PACRG: variants seen among roughly 807,000 people sequenced by gnomAD.
The protein encoded by PACRG is parkin coregulated, also known as parkin coregulated gene protein.
In PACRG, 29 loss-of-function variants were observed where a neutral mutation model predicts 29.7. That is an observed-to-expected ratio of 0.98 (90% CI 0.73 to 1.33). The LOEUF is 1.33. Among genes scored for constraint, PACRG ranks in the 40% most tolerant of loss-of-function variants. The pLI, the probability that PACRG is intolerant of heterozygous loss-of-function variation, is 0.00. For synonymous variants in PACRG, 116 were observed against 118.7 expected (o/e 0.98, Z 0.15); for missense variants, 279 against 316.2 (o/e 0.88, Z 0.89).
At chr6:162,745,437 G>A (rs1029617944) in intron 1 of PACRG, among the ~76,000 whole-genome samples, 3 of 152,074 alleles carry the variant, frequency 2.0e-5, no homozygotes, top group East Asian at 1.9e-4. Flanking sequence ...TAATGCATAC[G>A]GGGCTTAAAA....
At chr6:163,267,270 G>A (rs921159306) in intron 4 of PACRG, among the ~76,000 whole-genome samples, 5 of 152,114 alleles carry the variant, frequency 3.3e-5, no homozygotes, top group East Asian at 1.9e-4. Context: ...CATCAGTGAC[G>A]AGTCCCCGCC....
At chr6:163,088,742 A>G (rs1463220962) in intron 3 of PACRG, among the ~76,000 whole-genome samples, 6 of 150,068 alleles carry the variant, frequency 4.0e-5, no homozygotes, top group Non-Finnish European at 8.9e-5. Context: ...AAACGTAGTC[A>G]CTTTATGTTC....
intron 1 of PACRG, among the ~76,000 whole-genome samples, chr6:162,785,588 G>T (rs1183260363): frequency 6.6e-6 from 1 of 151,916 alleles, no homozygotes; most frequent in African/African-American, 2.4e-5. Context: ...GGGGTGCGGG[G>T]GTTGGGGGAG....
At chr6:163,230,738 A>T (rs938505722) in intron 4 of PACRG, among the ~76,000 whole-genome samples, 33 of 152,364 alleles carry the variant, frequency 2.2e-4, no homozygotes, top group Non-Finnish European at 2.8e-4. Context: ...CAAATGAAGA[A>T]CGCAGGATGG....
At position 163,312,252 on chromosome 6, in the gene PACRG, A is replaced by T. The variant is rs1369599725; in HGVS notation, c.614-2575A>T. Among the ~76,000 whole-genome samples, 3 of 152,136 alleles carry T rather than the reference A, an allele frequency of 2.0e-5. No homozygotes were observed. In the East Asian group the frequency reaches 5.8e-4, roughly 29 times the overall value. On this transcript the variant is annotated intron_variant, in intron 4 of 4. Transcript: ENST00000366888. ...CAAAGATGAGCCCAACTCTGAGGGG[A>T]CATTTGTCCCTGCTTTGGTTGGAAT...
intron 1 of PACRG, among the ~76,000 whole-genome samples, chr6:162,752,154 T>C (rs1781557629): frequency 6.6e-6 from 1 of 152,194 alleles, no homozygotes; most frequent in African/African-American, 2.4e-5. Context: ...TAACATCTGA[T>C]GCTAAAGACA....
chr6:163,243,627 C>T (rs1782585906), intron 4 of PACRG, among the ~76,000 whole-genome samples: 1 of 152,210 alleles, frequency 6.6e-6, no homozygotes, highest in Non-Finnish European at 1.5e-5. Context: ...TCCTCAGTCA[C>T]CACCTAACCC....
chr6:163,123,252 G>A (rs939100989), intron 4 of PACRG, among the ~76,000 whole-genome samples: 11 of 152,160 alleles, frequency 7.2e-5, no homozygotes, highest in African/African-American at 1.2e-4. Flanking sequence ...ATGCAAATGC[G>A]GGTCGGCATG....
chr6:163,084,219 T>C (rs1813332332), intron 3 of PACRG, among the ~76,000 whole-genome samples: 1 of 152,192 alleles, frequency 6.6e-6, no homozygotes, highest in African/African-American at 2.4e-5. Flanking sequence ...GTCTTGACAA[T>C]AGCTTTCAGG....
chr6:162,827,147 A>G (rs920022863), intron 2 of PACRG, among the ~76,000 whole-genome samples: 8 of 152,210 alleles, frequency 5.3e-5, no homozygotes, highest in Admixed American at 2.0e-4. Flanking sequence ...TTTTAAATGC[A>G]TTATGAGAAG....
intron 1 of PACRG, among the ~76,000 whole-genome samples, chr6:162,771,174 A>T (rs190522653): frequency 1.2e-4 from 19 of 152,292 alleles, no homozygotes; most frequent in Middle Eastern, 3.4e-3. Flanking sequence ...TGATGAAATA[A>T]CCTTGTTATT....
chr6:162,741,784 A>G (rs1174318357), intron 1 of PACRG, among the ~76,000 whole-genome samples: 2 of 152,234 alleles, frequency 1.3e-5, no homozygotes, highest in Non-Finnish European at 2.9e-5. Flanking sequence ...CAATATTTCT[A>G]TAAACTAAAA....
At chr6:163,126,621 G>A (rs971149029) in intron 4 of PACRG, among the ~76,000 whole-genome samples, 21 of 152,168 alleles carry the variant, frequency 1.4e-4, no homozygotes, top group Non-Finnish European at 5.9e-5. Context: ...TGCAAAGAAA[G>A]CAATGGCGAA....
intron 2 of PACRG, among the ~76,000 whole-genome samples, chr6:163,029,142 A>G (rs752219068): frequency 2.8e-4 from 43 of 152,180 alleles, no homozygotes; most frequent in Non-Finnish European, 6.2e-4. Flanking sequence ...GAGCAAGGGG[A>G]CATGCCCCAA....
chr6:163,024,217 C>G (rs1486989822), intron 2 of PACRG, among the ~76,000 whole-genome samples: 1 of 152,150 alleles, frequency 6.6e-6, no homozygotes, highest in Non-Finnish European at 1.5e-5. Context: ...ACATTTAAAT[C>G]TTTAATCTAT....
intron 2 of PACRG, among the ~76,000 whole-genome samples, chr6:162,885,204 A>G (rs904250452): frequency 6.6e-5 from 10 of 150,826 alleles, no homozygotes; most frequent in African/African-American, 2.0e-4. Context: ...TTTCCTTTCA[A>G]TGCTCTGCAG....
In PACRG at chr6:162,814,165, G is replaced by A. The variant is rs146271153; in HGVS notation, c.175G>A (p.Ala59Thr). 1.6e-4 allele frequency: 253 copies of A among 1,611,594 alleles called. No homozygotes were observed. Among genetic ancestry groups the A allele is most frequent in the Non-Finnish European group, 2.1e-4 (244 of 1,178,622 alleles). The stretch of plus-strand genomic sequence containing the variant: ...AATTAAGGTGAGAGGCCCTCCAGCT[G>A]CAGGGGCATTTAAAGAAAGACCAAC... ...KNSVVRGPPA[A>T]GAFKERPTKP... Residue 59 changes from alanine (A) to threonine (T), a missense_variant, in exon 2 of 5, where the codon GCA becomes ACA. Ala to Thr is a moderately conservative substitution (Grantham distance 58). Transcript: ENST00000366888.
chr6:163,238,690 G>A (rs535197911), intron 4 of PACRG, among the ~76,000 whole-genome samples: 199 of 152,310 alleles, frequency 1.3e-3, no homozygotes, highest in Non-Finnish European at 1.9e-3. Flanking sequence ...AAGGACTTTC[G>A]TAGTCTTGAT....
chr6:163,256,735 T>C (rs1449148961), intron 4 of PACRG, among the ~76,000 whole-genome samples: 1 of 152,198 alleles, frequency 6.6e-6, no homozygotes, highest in Non-Finnish European at 1.5e-5. Context: ...GAGACTTCAC[T>C]GTGAGGACAC....
Sources: allele counts gnomAD v4.1 joint callset (sites outside exome capture counted in the v4.1 genomes callset), GRCh38; gene constraint gnomAD v4.1.1; transcripts MANE v1.5; gene names NCBI Gene and HGNC (gene_info 2026-07-23, HGNC 2026-07-21).